The following LINGO2 variants were observed in gnomAD, a reference collection of about 807,000 sequenced individuals.
The protein encoded by LINGO2 is leucine rich repeat and Ig domain containing 2.
In LINGO2, 14 loss-of-function variants were observed where a neutral mutation model predicts 30.6. The observed-to-expected ratio is 0.46, with a 90% CI of 0.30 to 0.72. The LOEUF is 0.72. Ranked by LOEUF, LINGO2 falls within the 30% of genes least tolerant of loss-of-function variation. The probability of loss-of-function intolerance (pLI) is 0.07; values close to 1 mark genes in which losing one functional copy is unlikely to be tolerated. For synonymous variants in LINGO2, 317 were observed against 288.5 expected, an observed-to-expected ratio of 1.10 and a Z score of -1.00; for missense variants, 729 against 751.7, an observed-to-expected ratio of 0.97 and a Z score of 0.35.
At chr9:29,097,183 A>G in the LINGO2 span, among the ~76,000 whole-genome samples, 1 of 138,754 alleles carries the variant, frequency 7.2e-6, no homozygotes, top group Non-Finnish European at 1.6e-5. Flanking sequence ...TTCTAAATGT[A>G]TTATACTTTA....
At position 28,008,685 on chromosome 9, in the gene LINGO2, G is replaced by A. The variant is rs374503227; in HGVS notation, c.-36+3670C>T. On this transcript the variant is annotated intron_variant, in intron 5 of 5. Transcript: ENST00000379992. ...AATTTAAAAAATTGAATTTCCAATA[G>A]CATCAAGAAGAATAAGATACTTAGA... 3.9e-4 allele frequency among the ~76,000 whole-genome samples: 60 copies of A among 152,150 alleles called. 1 individual carries two copies. In the South Asian group the frequency reaches 0.012, roughly 30 times the overall value.
At chr9:29,136,489 T>C in the LINGO2 span, among the ~76,000 whole-genome samples, 1 of 152,182 alleles carries the variant, frequency 6.6e-6, no homozygotes, top group Non-Finnish European at 1.5e-5. Context: ...TAAAATCAAA[T>C]TGATATCTAA....
At chr9:27,958,194 A>G (rs1819671649) in intron 5 of LINGO2, among the ~76,000 whole-genome samples, 3 of 152,332 alleles carry the variant, frequency 2.0e-5, no homozygotes, top group South Asian at 4.1e-4. Flanking sequence ...TTCTGTATCT[A>G]TGGAGATGAT....
At chr9:29,183,936 G>C in the LINGO2 span, among the ~76,000 whole-genome samples, 3 of 151,164 alleles carry the variant, frequency 2.0e-5, no homozygotes. Flanking sequence ...CACTTGAGAT[G>C]CACTTCATAT....
At chr9:28,109,646 T>G (rs939360254) in intron 4 of LINGO2, among the ~76,000 whole-genome samples, 7 of 152,044 alleles carry the variant, frequency 4.6e-5, no homozygotes, top group African/African-American at 1.7e-4. Flanking sequence ...ACATTCACAA[T>G]TGCTTCAAAG....
the LINGO2 span, among the ~76,000 whole-genome samples, chr9:28,973,985 G>T: frequency 3.3e-5 from 5 of 152,128 alleles, no homozygotes; most frequent in African/African-American, 1.2e-4. Flanking sequence ...AAGTACACAA[G>T]ACACACAAAA....
intron 2 of LINGO2, among the ~76,000 whole-genome samples, chr9:28,390,916 C>T (rs1821804944): frequency 6.6e-6 from 1 of 151,696 alleles, no homozygotes; most frequent in Non-Finnish European, 1.5e-5. Flanking sequence ...ATCTTAGTAG[C>T]ATTAGTGAAA....
chr9:28,408,118 T>G (rs891771599), intron 2 of LINGO2, among the ~76,000 whole-genome samples: 1 of 152,150 alleles, frequency 6.6e-6, no homozygotes, highest in Non-Finnish European at 1.5e-5. Flanking sequence ...TGAGGGACTG[T>G]TGGGTAAAAC....
At chr9:27,965,615 C>G (rs1820064545) in intron 5 of LINGO2, among the ~76,000 whole-genome samples, 1 of 152,004 alleles carries the variant, frequency 6.6e-6, no homozygotes, top group Non-Finnish European at 1.5e-5. Flanking sequence ...TCTGTTTAAT[C>G]TTTCCCGAAA....
chr9:29,125,432 A>ATATAT, the LINGO2 span, among the ~76,000 whole-genome samples: 32 of 151,676 alleles, frequency 2.1e-4, no homozygotes, highest in East Asian at 3.9e-4. Flanking sequence ...AAAATTTAAA[A>ATATAT]ATATATATAT....
chr9:28,817,526 T>G, the LINGO2 span, among the ~76,000 whole-genome samples: 2 of 152,202 alleles, frequency 1.3e-5, no homozygotes, highest in African/African-American at 4.8e-5. Flanking sequence ...GGCAAAACGA[T>G]GACCACTAGC....
chr9:28,947,404 T>C, the LINGO2 span, among the ~76,000 whole-genome samples: 1 of 152,082 alleles, frequency 6.6e-6, no homozygotes. Flanking sequence ...GAGGTTTTAA[T>C]TTCTCTGAAC....
At chr9:28,164,589 A>C (rs989812266) in intron 4 of LINGO2, among the ~76,000 whole-genome samples, 1 of 152,222 alleles carries the variant, frequency 6.6e-6, no homozygotes, top group African/African-American at 2.4e-5. Flanking sequence ...ATATTGGAGC[A>C]GTACAGATAA....
the LINGO2 span, among the ~76,000 whole-genome samples, chr9:28,780,355 T>G: frequency 1.3e-5 from 2 of 152,174 alleles, no homozygotes; most frequent in Non-Finnish European, 2.9e-5. Context: ...AATTTTTTTT[T>G]TCTTTGTAAC....
At chr9:28,000,213 T>C (rs1821878110) in intron 5 of LINGO2, among the ~76,000 whole-genome samples, 1 of 152,186 alleles carries the variant, frequency 6.6e-6, no homozygotes, top group African/African-American at 2.4e-5. Flanking sequence ...CAAATTGCCA[T>C]ATGGCACAGC....
At chr9:29,109,424 A>AT in the LINGO2 span, among the ~76,000 whole-genome samples, 35,787 of 151,976 alleles carry the variant, frequency 0.24, 4,315 homozygotes, top group East Asian at 0.4. Flanking sequence ...TAAATCTTTT[A>AT]TTTTATAAAA....
At chr9:28,235,574 A>G (rs1821533029) in intron 4 of LINGO2, among the ~76,000 whole-genome samples, 1 of 152,208 alleles carries the variant, frequency 6.6e-6, no homozygotes, top group Non-Finnish European at 1.5e-5. Flanking sequence ...TGCTTTAAGG[A>G]AACTCAAAGA....
chr9:28,367,384 T>C (rs761390059), intron 3 of LINGO2, among the ~76,000 whole-genome samples: 4 of 152,214 alleles, frequency 2.6e-5, no homozygotes, highest in African/African-American at 4.8e-5. Flanking sequence ...CTTCTTTCTA[T>C]ATTTTTGCTG....
At chr9:29,166,248 T>C in the LINGO2 span, among the ~76,000 whole-genome samples, 1 of 152,130 alleles carries the variant, frequency 6.6e-6, no homozygotes, top group African/African-American at 2.4e-5. Flanking sequence ...AATTCCATTT[T>C]TTAAAGGTGG....
Sources: allele counts gnomAD v4.1 joint callset (sites outside exome capture counted in the v4.1 genomes callset), GRCh38; gene constraint gnomAD v4.1.1; transcripts MANE v1.5; gene names NCBI Gene and HGNC (gene_info 2026-07-23, HGNC 2026-07-21).